Variants in MOB3B observed in about 807,000 individuals in gnomAD.
The protein encoded by MOB3B is MOB kinase activator-like 2B.
Under a neutral mutation model 18.7 loss-of-function variants are expected in MOB3B, and 7 were observed. The ratio of observed to expected loss-of-function variants is 0.37; its 90% CI spans 0.21 to 0.70. MOB3B has a LOEUF of 0.70. Among genes scored for constraint, MOB3B ranks in the 30% least tolerant of loss-of-function variants. MOB3B has a pLI of 0.52. For synonymous variants in MOB3B, 111 were observed against 99.9 expected (o/e 1.11, Z -0.66); for missense variants, 253 against 281.3 (o/e 0.90, Z 0.72).
chr9:27,525,967 A>AT (rs1820430345), intron 1 of MOB3B: 1 of 151,872 alleles, frequency 6.6e-6, no homozygotes, highest in South Asian at 2.1e-4. Flanking sequence ...GCTGACATGG[A>AT]TTTTCTCTTC....
chr9:27,335,826 G>A (rs1483900581), intron 3 of MOB3B, among the ~76,000 whole-genome samples: 1 of 152,140 alleles, frequency 6.6e-6, no homozygotes, highest in East Asian at 1.9e-4. Context: ...CAGTGCCCAT[G>A]ACACCTTTCA....
At chr9:27,522,456 T>C (rs1054774784) in intron 1 of MOB3B, among the ~76,000 whole-genome samples, 2 of 149,876 alleles carry the variant, frequency 1.3e-5, no homozygotes, top group African/African-American at 4.9e-5. Flanking sequence ...TGCATATGTC[T>C]ATATTTAACA....
intron 1 of MOB3B, among the ~76,000 whole-genome samples, chr9:27,513,398 G>A (rs972110019): frequency 6.6e-6 from 1 of 151,998 alleles, no homozygotes; most frequent in Non-Finnish European, 1.5e-5. Flanking sequence ...GGCCCCCAAA[G>A]GGATCTCCTT....
intron 2 of MOB3B, among the ~76,000 whole-genome samples, chr9:27,435,496 G>A (rs1822485889): frequency 1.3e-5 from 2 of 152,138 alleles, no homozygotes; most frequent in African/African-American, 4.8e-5. Context: ...TCTGTGGCCA[G>A]AGCAATTCTT....
intron 2 of MOB3B, among the ~76,000 whole-genome samples, chr9:27,450,516 A>G (rs1014658194): frequency 2.6e-5 from 4 of 152,142 alleles, no homozygotes; most frequent in Middle Eastern, 6.8e-3. Context: ...AATAATAATC[A>G]AAAAAAAGAA....
chr9:27,522,529 T>C (rs1193711915), intron 1 of MOB3B, among the ~76,000 whole-genome samples: 2 of 151,548 alleles, frequency 1.3e-5, no homozygotes, highest in East Asian at 1.9e-4. Context: ...AGTGTATCTA[T>C]CCAAGTGACC....
chr9:27,528,246 A>G (rs541528324), intron 1 of MOB3B, among the ~76,000 whole-genome samples: 8 of 152,172 alleles, frequency 5.3e-5, no homozygotes, highest in Non-Finnish European at 1.2e-4. Flanking sequence ...TGGACCCCAG[A>G]ATCTCAGCTT....
At chr9:27,440,186 G>A (rs1822571557) in intron 2 of MOB3B, among the ~76,000 whole-genome samples, 1 of 152,122 alleles carries the variant, frequency 6.6e-6, no homozygotes, top group African/African-American at 2.4e-5. Context: ...GTCCACAGTG[G>A]GCAATACATA....
intron 1 of MOB3B, among the ~76,000 whole-genome samples, chr9:27,488,053 C>T (rs1318475791): frequency 6.6e-6 from 1 of 152,186 alleles, no homozygotes; most frequent in East Asian, 1.9e-4. Context: ...CCCCTTGAGT[C>T]AGGTGACCAT....
intron 2 of MOB3B, among the ~76,000 whole-genome samples, chr9:27,425,304 G>A (rs1822310032): frequency 1.3e-5 from 2 of 151,678 alleles, no homozygotes; most frequent in Admixed American, 1.3e-4. Flanking sequence ...GAACCCAGGA[G>A]GCGGAGGTTG....
intron 1 of MOB3B, among the ~76,000 whole-genome samples, chr9:27,522,648 C>T (rs910545253): frequency 6.6e-6 from 1 of 151,676 alleles, no homozygotes; most frequent in Non-Finnish European, 1.5e-5. Context: ...CCATTTTTTG[C>T]TGTGACAAAC....
At chr9:27,413,631 T>C (rs929930698) in intron 2 of MOB3B, among the ~76,000 whole-genome samples, 31 of 152,094 alleles carry the variant, frequency 2.0e-4, no homozygotes, top group African/African-American at 7.5e-4. Flanking sequence ...TTGGAGGGTG[T>C]TCCAGTATTC....
intron 1 of MOB3B, among the ~76,000 whole-genome samples, chr9:27,518,467 C>G (rs918075289): frequency 1.3e-5 from 2 of 152,200 alleles, no homozygotes; most frequent in East Asian, 3.8e-4. Flanking sequence ...GAAATCAACA[C>G]TGAAATGAGG....
chr9:27,333,060 A>G (rs537238868), intron 3 of MOB3B, among the ~76,000 whole-genome samples: 2 of 152,352 alleles, frequency 1.3e-5, no homozygotes, highest in African/African-American at 4.8e-5. Flanking sequence ...ATGGGCAAAT[A>G]CTAGAACAAT....
intron 1 of MOB3B, among the ~76,000 whole-genome samples, chr9:27,509,449 C>A (rs1001899593): frequency 3.3e-5 from 5 of 152,106 alleles, no homozygotes; most frequent in African/African-American, 4.8e-5. Context: ...CGGAGTCTTA[C>A]TCTGTTGCCC....
chr9:27,417,555 A>G (rs1822172151), intron 2 of MOB3B, among the ~76,000 whole-genome samples: 1 of 152,068 alleles, frequency 6.6e-6, no homozygotes. Flanking sequence ...GGAATCAACA[A>G]TTCTCTTCCT....
chr9:27,459,360 T>C (rs1191062256), intron 1 of MOB3B, among the ~76,000 whole-genome samples: 2 of 152,152 alleles, frequency 1.3e-5, no homozygotes, highest in African/African-American at 4.8e-5. Context: ...AATCTACTGG[T>C]CCATGGATGA....
At chr9:27,372,794 T>A (rs1201399307) in intron 2 of MOB3B, among the ~76,000 whole-genome samples, 1 of 152,206 alleles carries the variant, frequency 6.6e-6, no homozygotes, top group Non-Finnish European at 1.5e-5. Context: ...TGTAATGTGG[T>A]ATCCTGGATG....
At chr9:27,353,676 T>C (rs1166488899) in intron 3 of MOB3B, among the ~76,000 whole-genome samples, 1 of 152,100 alleles carries the variant, frequency 6.6e-6, no homozygotes, top group African/African-American at 2.4e-5. Flanking sequence ...CTGTCTGTCC[T>C]CCCCACCTCA....
Sources: allele counts gnomAD v4.1 joint callset (sites outside exome capture counted in the v4.1 genomes callset), GRCh38; gene constraint gnomAD v4.1.1; transcripts MANE v1.5; gene names NCBI Gene and HGNC (gene_info 2026-07-23, HGNC 2026-07-21).